The following DMD variants were observed in gnomAD, a reference collection of about 807,000 sequenced individuals.
DMD encodes dystrophin.
DMD carries 63 observed loss-of-function variants against 330.1 expected under a neutral mutation model. That is an observed-to-expected ratio of 0.19 (90% CI 0.16 to 0.24). DMD has a LOEUF of 0.24. DMD is among the 10% of genes least tolerant of loss of function. The probability of loss-of-function intolerance (pLI) is 1.00; values close to 1 mark genes in which losing one functional copy is unlikely to be tolerated. For synonymous variants in DMD, 1,223 were observed against 959.8 expected (o/e 1.27, Z -5.07); for missense variants, 3,344 against 2,684.1 (o/e 1.25, Z -5.43).
At chrX:32,739,158 C>G (rs749621651) in intron 7 of DMD, among the ~76,000 whole-genome samples, 1 of 111,463 alleles carries the variant, frequency 9.0e-6, no homozygotes, top group Non-Finnish European at 1.9e-5. Flanking sequence ...GAGGAAAAGG[C>G]TCAGGGATCT....
At chrX:32,807,228 G>A (rs2077030008) in intron 7 of DMD, among the ~76,000 whole-genome samples, 1 of 95,124 alleles carries the variant, frequency 1.1e-5, no homozygotes, top group African/African-American at 3.9e-5. Flanking sequence ...AAGAAAAATA[G>A]AGAAGAATCA....
chrX:32,591,614 G>T (rs1402877080), intron 13 of DMD, among the ~76,000 whole-genome samples: 4 of 112,363 alleles, frequency 3.6e-5, no homozygotes, highest in Non-Finnish European at 7.5e-5. Flanking sequence ...CAGCCTGTCT[G>T]GAGCGGCCAC....
chrX:33,017,127 C>T (rs2093818568), intron 2 of DMD, among the ~76,000 whole-genome samples: 1 of 111,179 alleles, frequency 9.0e-6, no homozygotes, highest in Non-Finnish European at 1.9e-5. Context: ...AGAGATAGGG[C>T]TTATTTTTAA....
At chrX:32,155,643 T>C (rs1474380679) in intron 44 of DMD, among the ~76,000 whole-genome samples, 2 of 111,733 alleles carry the variant, frequency 1.8e-5, no homozygotes, top group African/African-American at 3.3e-5. Flanking sequence ...ACTTAGGGCA[T>C]GTTTGTCTAC....
At chrX:31,256,762 GTGTGTGTGTGGCTAC>G (rs1350134658) in intron 63 of DMD, among the ~76,000 whole-genome samples, 2 of 108,330 alleles carry the variant, frequency 1.8e-5, no homozygotes, top group African/African-American at 6.8e-5. Context: ...GTGTGTGTGT[GTGTGTGTGTGGCTAC>G]TGCTGCTTTT....
intron 44 of DMD, among the ~76,000 whole-genome samples, chrX:32,187,308 G>GA (rs1246569821): frequency 1.8e-5 from 2 of 110,909 alleles, no homozygotes; most frequent in Non-Finnish European, 1.9e-5. Context: ...ATACTTGTGG[G>GA]AAAAATGAAG....
chrX:31,347,231 T>C (rs1217286617), intron 61 of DMD, among the ~76,000 whole-genome samples: 1 of 110,507 alleles, frequency 9.0e-6, no homozygotes, highest in Non-Finnish European at 1.9e-5. Flanking sequence ...TTGTCATTTG[T>C]CTATGTATTG....
At chrX:32,590,381 A>C (rs927435979) in intron 13 of DMD, among the ~76,000 whole-genome samples, 20 of 111,472 alleles carry the variant, frequency 1.8e-4, no homozygotes, top group African/African-American at 6.5e-4. Flanking sequence ...TTATGTGTCA[A>C]CTTCATGGAA....
At chrX:32,393,985 A>C (rs2098022337) in intron 30 of DMD, among the ~76,000 whole-genome samples, 1 of 111,585 alleles carries the variant, frequency 9.0e-6, no homozygotes, top group East Asian at 2.8e-4. Flanking sequence ...CTGATTAAGG[A>C]TCAAGGAGCA....
chrX:31,830,833 G>A (rs903573412), intron 49 of DMD, among the ~76,000 whole-genome samples: 5 of 111,503 alleles, frequency 4.5e-5, no homozygotes, highest in Non-Finnish European at 9.4e-5. Context: ...CCCCATGGCC[G>A]TGTTTGAAAC....
intron 43 of DMD, among the ~76,000 whole-genome samples, chrX:32,219,139 T>C (rs1369198558): frequency 8.9e-6 from 1 of 112,109 alleles, no homozygotes; most frequent in Non-Finnish European, 1.9e-5. Context: ...ATAAGAATGT[T>C]GCCTTTGATG....
chrX:32,779,808 T>G (rs1389514001), intron 7 of DMD, among the ~76,000 whole-genome samples: 1 of 108,652 alleles, frequency 9.2e-6, no homozygotes, highest in Admixed American at 1.0e-4. Flanking sequence ...ACATGGCACA[T>G]GTATACATAT....
At chrX:31,159,310 C>A (rs778432434) in intron 74 of DMD, among the ~76,000 whole-genome samples, 3 of 111,171 alleles carry the variant, frequency 2.7e-5, no homozygotes, top group African/African-American at 9.8e-5. Context: ...GAAATTATCG[C>A]CTTGATTTAC....
intron 1 of DMD, among the ~76,000 whole-genome samples, chrX:33,171,473 A>T (rs1258948160): frequency 5.4e-5 from 6 of 111,400 alleles, no homozygotes; most frequent in Non-Finnish European, 9.5e-5. Context: ...TGAGACCTCT[A>T]AAGCTATTTC....
intron 59 of DMD, among the ~76,000 whole-genome samples, chrX:31,473,720 A>AAAAAAAAAGAAAAAAAAG: frequency 9.6e-6 from 1 of 104,379 alleles, no homozygotes; most frequent in African/African-American, 3.6e-5. Flanking sequence ...TCAAAAAAAA[A>AAAAAAAAAGAAAAAAAAG]AAAAAAAAGA....
chrX:32,732,386 C>T (rs1191873253), intron 7 of DMD, among the ~76,000 whole-genome samples: 2 of 110,666 alleles, frequency 1.8e-5, no homozygotes, highest in African/African-American at 3.3e-5. Context: ...GGCAGGCCAA[C>T]ATTCAGATTC....
At chrX:32,227,331 C>A (rs1453033717) in intron 43 of DMD, among the ~76,000 whole-genome samples, 1 of 74,087 alleles carries the variant, frequency 1.3e-5, no homozygotes. Context: ...ACACAAATTG[C>A]GTATGGAATA....
chrX:32,965,493 C>CAAA lies in DMD; in HGVS notation c.93+54643_93+54645dup, dbSNP rs34853368. Among the ~76,000 whole-genome samples the CAAA allele has an allele frequency of 5.2e-4, 18 of 34,618 alleles. 1 individual carries two copies. The South Asian group carries it at 7.8e-3, about 15-fold the overall frequency. The allele number at this position is 34,618 out of a possible 115,157, so 30.1% of individuals were successfully genotyped here. On this transcript the variant is annotated intron_variant, in intron 2 of 78. Coordinates refer to ENST00000357033, the MANE Select transcript of DMD (RefSeq NM_004006.3). ...TGGGTGACAGAGCGAGACTCTGTCT[C>CAAA]AAAAAAAAAAAAAAAAGAAGTGGGG...
At chrX:31,287,781 T>C (rs1033000798) in intron 62 of DMD, among the ~76,000 whole-genome samples, 1 of 112,431 alleles carries the variant, frequency 8.9e-6, no homozygotes, top group African/African-American at 3.2e-5. Context: ...TTTTTAATTA[T>C]ATGCTTTTAT....
Sources: gnomAD v4.1 joint callset for allele counts (sites outside exome capture counted in the v4.1 genomes callset) on GRCh38, gnomAD v4.1.1 for gene constraint, MANE v1.5 for transcripts, NCBI Gene and HGNC (gene_info 2026-07-23, HGNC 2026-07-21) for gene names.